Variants in SORCS2 observed in about 807,000 individuals in gnomAD.
SORCS2 encodes the protein VPS10 domain-containing receptor SorCS2.
SORCS2 carries 100 observed loss-of-function variants against 141.6 expected under a neutral mutation model. The ratio of observed to expected loss-of-function variants is 0.71; its 90% confidence interval spans 0.60 to 0.83. The LOEUF (loss-of-function observed/expected upper bound fraction) is 0.83, where lower values mean the gene tolerates loss of function less well. SORCS2 is among the 40% of genes least tolerant of loss of function. SORCS2 has a pLI of 0.00. For missense variants in SORCS2, 1,646 were observed against 1,560.2 expected (o/e 1.05, Z -0.93); for synonymous variants, 789 against 676.9 (o/e 1.17, Z -2.57).
Position 7,710,771 on chromosome 4 carries a change from G to A in SORCS2, c.1869-1962G>A, listed in dbSNP as rs531589718. On this transcript the variant is annotated intron_variant, in intron 14 of 26. Transcript: ENST00000507866. Reference sequence around the variant, plus strand: ...TGTTGGAAACAGTGTCTGCAGAAGCGGACGGACGCGGCAGAGTCACAGCCG... The same window carrying A: ...TGTTGGAAACAGTGTCTGCAGAAGCAGACGGACGCGGCAGAGTCACAGCCG... Among the ~76,000 whole-genome samples, 616 of 152,342 alleles carry A rather than the reference G, an allele frequency of 4.0e-3. 1 individual carries two copies. The highest frequency in any genetic ancestry group is 6.2e-3 in the Non-Finnish European group (421 of 68,036).
rs568896165 is a variant in SORCS2 at position 7,201,436 on chromosome 4, C to T, written c.480+8310C>T. Among the ~76,000 whole-genome samples the T allele has an allele frequency of 8.5e-5, 13 of 152,234 alleles. No individual in the cohort carries two copies. Among genetic ancestry groups the T allele is most frequent in the Non-Finnish European group, 1.6e-4 (11 of 68,046 alleles). On this transcript the variant is annotated intron_variant, in intron 1 of 26. Coordinates refer to ENST00000507866, the MANE Select transcript of SORCS2 (RefSeq NM_020777.3). This position sits in a 1 kb window ranked among gnomAD's most constrained non-coding sequence, Gnocchi z 4.4. ...TTCTAAAGAGGTCATAAATTAGCCT[C>T]ATTCCTCGGCACGCCCCTCAGATGA...
chr4:7,646,730 T>G (rs970214129), intron 4 of SORCS2, among the ~76,000 whole-genome samples: 1 of 152,224 alleles, frequency 6.6e-6, no homozygotes, highest in Non-Finnish European at 1.5e-5. Context: ...AAACCAACCC[T>G]GCCGATACCT....
At chr4:7,724,054 G>A (rs1477344577) in intron 19 of SORCS2, among the ~76,000 whole-genome samples, 171 bp downstream of exon 19, 2 of 152,198 alleles carry the variant, frequency 1.3e-5, no homozygotes, top group Non-Finnish European at 2.9e-5. Context: ...CACCCCTGAT[G>A]ACCCATACAA....
intron 1 of SORCS2, among the ~76,000 whole-genome samples, chr4:7,245,836 G>A (rs901121623): frequency 6.6e-6 from 1 of 152,162 alleles, no homozygotes; most frequent in Non-Finnish European, 1.5e-5. Context: ...GGGCAGGCAG[G>A]ACAACTCCCC....
chr4:7,581,800 A>G (rs1359641701), intron 3 of SORCS2, among the ~76,000 whole-genome samples: 1 of 152,212 alleles, frequency 6.6e-6, no homozygotes, highest in African/African-American at 2.4e-5. Flanking sequence ...GCTAGGCCCT[A>G]GCTCTGCCCC....
chr4:7,488,683 C>A (rs1041881788), intron 2 of SORCS2, among the ~76,000 whole-genome samples: 3 of 152,204 alleles, frequency 2.0e-5, no homozygotes, highest in Admixed American at 2.0e-4. Context: ...GTGGAGGGAC[C>A]CATGAGTGTC....
chr4:7,261,527 A>G (rs952597826), intron 1 of SORCS2, among the ~76,000 whole-genome samples: 2 of 152,226 alleles, frequency 1.3e-5, no homozygotes, highest in Non-Finnish European at 2.9e-5. Flanking sequence ...GCCCAGATTT[A>G]TGAAACATAT....
intron 1 of SORCS2, among the ~76,000 whole-genome samples, chr4:7,321,826 G>A (rs1391729011): frequency 6.6e-6 from 1 of 152,232 alleles, no homozygotes; most frequent in African/African-American, 2.4e-5. Flanking sequence ...CCGTGAGGGG[G>A]CATGGAATGA....
chr4:7,395,114 C>CT (rs1724122805), intron 1 of SORCS2, among the ~76,000 whole-genome samples: 1 of 152,198 alleles, frequency 6.6e-6, no homozygotes, highest in African/African-American at 2.4e-5. Flanking sequence ...CAAGGCCTCG[C>CT]TTTTTTAAAT....
In SORCS2 at chr4:7,290,867, G is replaced by T. The variant is rs368626762; in HGVS notation, c.480+97741G>T. On this transcript the variant is annotated intron_variant, in intron 1 of 26. Coordinates refer to ENST00000507866, the MANE Select transcript of SORCS2 (RefSeq NM_020777.3). ...GCTATGCTCCAGGCAGGGCTGAGGAGACAGTGAGGAATGGAGCAGACATAG... is the reference window on the plus strand; with the variant it reads ...GCTATGCTCCAGGCAGGGCTGAGGATACAGTGAGGAATGGAGCAGACATAG... Among the ~76,000 whole-genome samples the T allele has an allele frequency of 7.9e-5, 12 of 152,336 alleles. No individual in the cohort carries two copies. The East Asian group carries it at 2.3e-3, about 29-fold the overall frequency.
Position 7,396,303 on chromosome 4 carries a change from A to G in SORCS2, c.496A>G (p.Thr166Ala), listed in dbSNP as rs747124470. 5.6e-6 allele frequency: 9 copies of G among 1,613,900 alleles called. No individual in the cohort carries two copies. The East Asian group carries it at 1.8e-4, about 32-fold the overall frequency. Residue 166 changes from threonine (T) to alanine (A), a missense_variant, in exon 2 of 27, where the codon ACG (threonine) becomes GCG (alanine). By Grantham distance (58) the Thr-to-Ala change is moderately conservative. Coordinates refer to ENST00000507866, the MANE Select transcript of SORCS2 (RefSeq NM_020777.3). ...AACACCACAGGTGATCTTGATCCTG[A>G]CGAAGTACTACCACGCAGACATGGG... is the stretch of plus-strand genomic sequence containing the variant. The part of the protein sequence containing the change: ...GENSSVILIL[T>A]KYYHADMGKV...
chr4:7,568,612 T>G (rs1715179074), intron 3 of SORCS2, among the ~76,000 whole-genome samples: 1 of 152,120 alleles, frequency 6.6e-6, no homozygotes, highest in South Asian at 2.1e-4. Flanking sequence ...GGATGTGGCA[T>G]GATCTAAGGT....
intron 23 of SORCS2, among the ~76,000 whole-genome samples, chr4:7,732,474 C>T (rs1407787735): frequency 6.6e-6 from 1 of 152,172 alleles, no homozygotes; most frequent in African/African-American, 2.4e-5. Flanking sequence ...AGGAGGATGC[C>T]CGTGGCCCAC....
chr4:7,309,299 T>C (rs1231010074), intron 1 of SORCS2, among the ~76,000 whole-genome samples: 1 of 152,220 alleles, frequency 6.6e-6, no homozygotes, highest in Non-Finnish European at 1.5e-5. Flanking sequence ...GCTTCCTGAC[T>C]TCTGGTCTCG....
chr4:7,606,770 G>C (rs542232303), intron 3 of SORCS2, among the ~76,000 whole-genome samples: 19 of 152,140 alleles, frequency 1.2e-4, no homozygotes, highest in Admixed American at 2.6e-4. Context: ...AGGAGGGTGG[G>C]TGACGATGCC....
At chr4:7,230,692 G>A (rs1287494901) in intron 1 of SORCS2, among the ~76,000 whole-genome samples, 2 of 149,978 alleles carry the variant, frequency 1.3e-5, no homozygotes, top group African/African-American at 4.9e-5. Flanking sequence ...CTGGGCAGGA[G>A]CAGTGTCATG....
In SORCS2 at chr4:7,434,125, C is replaced by A. The variant is rs201944936; in HGVS notation, c.548+37770C>A. 130 of 1,612,934 alleles carry A rather than the reference C, an allele frequency of 8.1e-5. 2 individuals are homozygous for A. Among genetic ancestry groups the A allele is most frequent in the Middle Eastern group, 5.0e-4 (3 of 6,052 alleles). ...AGGTGCCCCTAGCTCCTCACAGAAT[C>A]CCCCCTTCCTGCAGAGCTCCTGCGG... is the stretch of plus-strand genomic sequence containing the variant. On this transcript the variant is annotated intron_variant, in intron 2 of 26. Coordinates refer to ENST00000507866, the MANE Select transcript of SORCS2 (RefSeq NM_020777.3).
chr4:7,373,645 C>A (rs1377321954), intron 1 of SORCS2, among the ~76,000 whole-genome samples: 1 of 150,800 alleles, frequency 6.6e-6, no homozygotes, highest in Non-Finnish European at 1.5e-5. Flanking sequence ...GGCCACACTA[C>A]CATGTCCAAT....
At chr4:7,557,885 C>G (rs969156108) in intron 3 of SORCS2, among the ~76,000 whole-genome samples, 1 of 152,240 alleles carries the variant, frequency 6.6e-6, no homozygotes, top group South Asian at 2.1e-4. Flanking sequence ...CTATACCCAC[C>G]AGCACATTTC....
Sources: gnomAD v4.1 joint callset for allele counts (sites outside exome capture counted in the v4.1 genomes callset) on GRCh38, gnomAD v4.1.1 for gene constraint, Gnocchi (gnomAD v3.1) non-coding constraint, MANE v1.5 for transcripts, NCBI Gene and HGNC (gene_info 2026-07-23, HGNC 2026-07-21) for gene names.